Variants in NTNG1 observed in about 807,000 individuals in gnomAD.
NTNG1 encodes netrin G1, also known as netrin-G1.
NTNG1 carries 16 observed loss-of-function variants against 54.0 expected under a neutral mutation model. The observed-to-expected ratio is 0.30, with a 90% CI of 0.20 to 0.45. The LOEUF (loss-of-function observed/expected upper bound fraction) is 0.45. Ranked by LOEUF, NTNG1 falls within the 20% of genes least tolerant of loss-of-function variation. The pLI is 1.00. For missense variants in NTNG1, 530 were observed against 678.7 expected (o/e 0.78, Z 2.43); for synonymous variants, 255 against 263.1 (o/e 0.97, Z 0.30).
chr1:107,243,277 C>G (rs1208075395), intron 2 of NTNG1, among the ~76,000 whole-genome samples: 1 of 152,036 alleles, frequency 6.6e-6, no homozygotes, highest in African/African-American at 2.4e-5. Context: ...GAAAAGTGAC[C>G]CAAAAGTTGG....
chr1:107,246,408 CAAAAA>C (rs61237534), intron 2 of NTNG1, among the ~76,000 whole-genome samples: 5 of 138,570 alleles, frequency 3.6e-5, no homozygotes, highest in Non-Finnish European at 1.6e-5. Flanking sequence ...CTTGTTTAAG[CAAAAA>C]AAAAAAAAAA....
chr1:107,232,441 G>A (rs773649027), intron 2 of NTNG1, among the ~76,000 whole-genome samples: 1 of 152,076 alleles, frequency 6.6e-6, no homozygotes, highest in Non-Finnish European at 1.5e-5. Flanking sequence ...TATGCCTTGT[G>A]TTCTTTCACT....
chr1:107,338,298 A>G (rs1470672334), intron 3 of NTNG1, among the ~76,000 whole-genome samples: 1 of 152,034 alleles, frequency 6.6e-6, no homozygotes, highest in Admixed American at 6.6e-5. Flanking sequence ...GAAAAAATAA[A>G]AATACAAGCC....
chr1:107,406,689 A>T (rs773143589), intron 4 of NTNG1, among the ~76,000 whole-genome samples: 1 of 152,166 alleles, frequency 6.6e-6, no homozygotes, highest in Non-Finnish European at 1.5e-5. Context: ...TATAACAATA[A>T]TAGTAATCAT....
At chr1:107,461,562 C>T (rs1005963733) in intron 7 of NTNG1, among the ~76,000 whole-genome samples, 1 of 148,488 alleles carries the variant, frequency 6.7e-6, no homozygotes, top group Non-Finnish European at 1.5e-5. Flanking sequence ...TCTTTTGAGA[C>T]GGAGTCTTGC....
intron 2 of NTNG1, among the ~76,000 whole-genome samples, chr1:107,169,373 A>C (rs1485535651): frequency 2.0e-5 from 3 of 152,144 alleles, no homozygotes; most frequent in Non-Finnish European, 4.4e-5. Context: ...GTTTTGTTAC[A>C]CAGATTTTCT....
intron 2 of NTNG1, among the ~76,000 whole-genome samples, chr1:107,151,680 T>C (rs1007198036): frequency 2.6e-5 from 4 of 152,184 alleles, no homozygotes; most frequent in Admixed American, 2.0e-4. Flanking sequence ...TTGAAGTTCA[T>C]TGGCATTGCA....
At chr1:107,428,517 A>G (rs893953005) in intron 5 of NTNG1, among the ~76,000 whole-genome samples, 1 of 152,108 alleles carries the variant, frequency 6.6e-6, no homozygotes, top group Non-Finnish European at 1.5e-5. Context: ...TAGATGTACC[A>G]AGAACCAACC....
chr1:107,434,223 T>C (rs957075476), intron 6 of NTNG1, among the ~76,000 whole-genome samples: 1 of 152,214 alleles, frequency 6.6e-6, no homozygotes, highest in Admixed American at 6.5e-5. Context: ...CTCTGTGTGA[T>C]GAAATAGATG....
intron 2 of NTNG1, among the ~76,000 whole-genome samples, chr1:107,209,965 A>G (rs1659496449): frequency 6.6e-6 from 1 of 151,330 alleles, no homozygotes; most frequent in Non-Finnish European, 1.5e-5. Context: ...TCGGTTCAGG[A>G]TTGCAACTAA....
Position 107,148,702 on chromosome 1 carries a change from A to T in NTNG1, c.109A>T (p.Ile37Phe). ...WGHYDLCKTQ[I>F]YTEEGKVWDY... The stretch of plus-strand genomic sequence containing the variant: ...ACATTATGATTTGTGTAAGACTCAG[A>T]TTTACACGGAAGAAGGGAAAGTTTG... Residue 37 changes from isoleucine (I) to phenylalanine (F), a missense_variant, in exon 2 of 8, where the codon ATT becomes TTT. Coordinates refer to ENST00000370068, the MANE Select transcript of NTNG1 (RefSeq NM_001113226.3). 2 of 1,613,702 alleles carry T rather than the reference A, an allele frequency of 1.2e-6. No homozygotes were observed. The highest frequency in any genetic ancestry group is 1.7e-6 in the Non-Finnish European group (2 of 1,179,728).
At chr1:107,476,559 A>T (rs931228317) in intron 7 of NTNG1, among the ~76,000 whole-genome samples, 1 of 152,190 alleles carries the variant, frequency 6.6e-6, no homozygotes, top group African/African-American at 2.4e-5. Flanking sequence ...TTTCTTTATT[A>T]TGCATCTAAA....
chr1:107,347,073 C>A (rs981462256), intron 3 of NTNG1, among the ~76,000 whole-genome samples: 2 of 151,716 alleles, frequency 1.3e-5, no homozygotes, highest in Non-Finnish European at 2.9e-5. Context: ...CAAAAATGGT[C>A]ACAGTAAGGC....
rs1666060293 is a variant in NTNG1, at chr1:107,297,551, G to A, written c.247-26731G>A. Reference sequence around the variant, plus strand: ...CACCAGGAGTGGATCCCTGGAATCTGCATTCTTAAACAGTTCCCCAGGTGA... The same window carrying A: ...CACCAGGAGTGGATCCCTGGAATCTACATTCTTAAACAGTTCCCCAGGTGA... On this transcript the variant is annotated intron_variant, in intron 2 of 7. Transcript: ENST00000370068. Among the ~76,000 whole-genome samples the A allele has an allele frequency of 3.9e-5, 6 of 151,978 alleles. No individual in the cohort carries two copies. In the South Asian group the frequency reaches 1.2e-3, roughly 32 times the overall value.
At chr1:107,157,731 C>T (rs1287374119) in intron 2 of NTNG1, among the ~76,000 whole-genome samples, 1 of 151,908 alleles carries the variant, frequency 6.6e-6, no homozygotes, top group African/African-American at 2.4e-5. Context: ...TTCTTTATTT[C>T]TAACTGTAAG....
Position 107,324,459 on chromosome 1 carries a change from A to G in NTNG1, c.424A>G (p.Ile142Val), listed in dbSNP as rs759570409. 24 of 1,613,716 alleles carry G rather than the reference A, an allele frequency of 1.5e-5. No individual in the cohort carries two copies. Among genetic ancestry groups the G allele is most frequent in the Non-Finnish European group, 1.9e-5 (23 of 1,179,860 alleles). Residue 142 changes from isoleucine (I) to valine (V), a missense_variant, in exon 3 of 8, where the codon ATT becomes GTT. By Grantham distance (29) the Ile-to-Val change is conservative. Around this residue, in one of 2 missense-constraint regions of NTNG1, gnomAD observed 318 missense variants for 465.1 expected, o/e 0.68. Coordinates refer to ENST00000370068, the MANE Select transcript of NTNG1 (RefSeq NM_001113226.3). The part of the protein sequence containing the change: ...VNITLSWSKT[I>V]ELTDNIVITF... ...CATCACTCTGTCTTGGAGCAAAACC[A>G]TTGAGCTAACAGACAACATAGTTAT...
chr1:107,204,232 T>G (rs1373117900), intron 2 of NTNG1, among the ~76,000 whole-genome samples: 1 of 152,170 alleles, frequency 6.6e-6, no homozygotes, highest in Non-Finnish European at 1.5e-5. Context: ...TTTGGAGTTT[T>G]GGTTTGATAT....
intron 2 of NTNG1, among the ~76,000 whole-genome samples, chr1:107,189,832 AGG>A (rs61425275): frequency 1.5e-4 from 16 of 105,400 alleles, no homozygotes; most frequent in South Asian, 3.6e-4. Flanking sequence ...AAAAAAAAAA[AGG>A]GGGGGGCCTT....
intron 7 of NTNG1, among the ~76,000 whole-genome samples, chr1:107,453,585 C>T (rs1466204278): frequency 1.3e-5 from 2 of 152,154 alleles, no homozygotes; most frequent in African/African-American, 4.8e-5. Flanking sequence ...GCCTGGATTT[C>T]TTCTACAATG....
Sources: gnomAD v4.1 joint callset for allele counts (sites outside exome capture counted in the v4.1 genomes callset) on GRCh38, gnomAD v4.1.1 for gene constraint, gnomAD v4.1.1 regional missense constraint, MANE v1.5 for transcripts, NCBI Gene and HGNC (gene_info 2026-07-23, HGNC 2026-07-21) for gene names.